Variants in ZC3H7A observed in about 807,000 individuals in gnomAD.
The protein encoded by ZC3H7A is zinc finger CCCH domain-containing protein 7A.
In ZC3H7A, 44 loss-of-function variants were observed where a neutral mutation model predicts 125.5. The observed-to-expected ratio is 0.35, with a 90% CI of 0.28 to 0.45. The LOEUF is 0.45. Among genes scored for constraint, ZC3H7A ranks in the 20% least tolerant of loss-of-function variants. The pLI is 1.00. For synonymous variants in ZC3H7A, 399 were observed against 391.2 expected, an observed-to-expected ratio of 1.02 and a Z score of -0.23; for missense variants, 977 against 1,170.7, an observed-to-expected ratio of 0.83 and a Z score of 2.41.
intron 21 of ZC3H7A, among the ~76,000 whole-genome samples, chr16:11,754,117 C>G (rs2052596185): frequency 6.6e-6 from 1 of 151,104 alleles, no homozygotes; most frequent in African/African-American, 2.4e-5. Flanking sequence ...ATGGCAAAAT[C>G]CCCATCTCTA....
Position 11,751,174 on chromosome 16 carries a change from A to T in ZC3H7A, c.*143T>A. The T allele has an allele frequency of 1.2e-6, 1 of 828,516 alleles. No individual in the cohort carries two copies. Among genetic ancestry groups the T allele is most frequent in the Non-Finnish European group, 1.8e-6 (1 of 556,012 alleles). 51.3% of individuals were successfully genotyped at this position (828,516 alleles called of 1,614,324 possible). A position where few individuals can be genotyped will look rare whatever the true frequency, so the allele number is the denominator to read the frequency against. The stretch of plus-strand genomic sequence containing the variant: ...GGCCTGTGAAACAGCCCATTTTCCT[A>T]CCTACTGTGGGTTGCTGCTCAGGAG... On this transcript the variant is annotated 3_prime_UTR_variant, in exon 23 of 23. Transcript: ENST00000355758.
intron 22 of ZC3H7A, 43 bp downstream of exon 22, chr16:11,752,626 G>A (rs376489315): frequency 1.3e-6 from 2 of 1,579,866 alleles, no homozygotes; most frequent in African/African-American, 1.4e-5. Flanking sequence ...GAAAATTTGA[G>A]GTCAGCAATT....
In ZC3H7A at chr16:11,758,450, A is replaced by C. The variant is rs2052689488; in HGVS notation, c.2409T>G (p.Thr803=). The C allele has an allele frequency of 6.2e-7, 1 of 1,613,308 alleles. No homozygotes were observed. The highest frequency in any genetic ancestry group is 1.7e-5 in the Admixed American group (1 of 59,986). Residue 803 remains threonine (T), a synonymous_variant, in exon 20 of 23, where the codon ACT becomes ACG. Coordinates refer to ENST00000355758, the MANE Select transcript of ZC3H7A (RefSeq NM_014153.4). ...ACTTACTCCCATTCTCCTTCATGTA[A>C]GTCCAAACTTCTCTTTCCTCAGGAC... ...AHSPEEREVW[T]YMKENGIQDM...
intron 19 of ZC3H7A, among the ~76,000 whole-genome samples, chr16:11,760,122 G>GAAAAAAAAAAAAAGA (rs2052722953): frequency 2.4e-5 from 2 of 82,532 alleles, no homozygotes; most frequent in African/African-American, 5.4e-5. Context: ...AAGAAAAAAT[G>GAAAAAAAAAAAAAGA]AAAAAAAAAA....
chr16:11,783,410 A>G (rs530165166), intron 1 of ZC3H7A, among the ~76,000 whole-genome samples: 6 of 152,190 alleles, frequency 3.9e-5, no homozygotes, highest in Non-Finnish European at 8.8e-5. Context: ...GAGATCTGAG[A>G]TAAAACATCA....
At chr16:11,757,295 T>C (rs1282360149) in intron 20 of ZC3H7A, among the ~76,000 whole-genome samples, 4 of 151,854 alleles carry the variant, frequency 2.6e-5, no homozygotes, top group African/African-American at 9.7e-5. Context: ...CCATCCTGGC[T>C]AACACGGTGA....
Position 11,782,361 on chromosome 16 carries a change from C to G in ZC3H7A, c.-7G>C. On this transcript the variant is annotated 5_prime_UTR_variant, in exon 2 of 23. Transcript: ENST00000355758. ...CCTCGGACACATTGGACATGTTATC[C>G]CACACATCCACTTTCTAAATGAGCA... 2 of 1,614,044 alleles carry G rather than the reference C, an allele frequency of 1.2e-6. No individual in the cohort carries two copies. The highest frequency in any genetic ancestry group is 1.3e-5 in the African/African-American group (1 of 75,028).
At chr16:11,778,256 G>C (rs906768772) in intron 4 of ZC3H7A, among the ~76,000 whole-genome samples, 1 of 151,918 alleles carries the variant, frequency 6.6e-6, no homozygotes, top group African/African-American at 2.4e-5. Flanking sequence ...GGGCAACACA[G>C]TGAAACCCCA....
intron 9 of ZC3H7A, among the ~76,000 whole-genome samples, chr16:11,772,194 C>CAA (rs370155246): frequency 0.014 from 1,707 of 122,570 alleles, 26 homozygotes; most frequent in South Asian, 0.051. Context: ...GACTCTGTCT[C>CAA]AAAAAAAAAA....
chr16:11,751,236 C>G lies in ZC3H7A; in HGVS notation c.*81G>C, dbSNP rs1054891664. ...GCCAATACAAGCAGGAAATCTGCAGCTCCTCTGCTATGTGCCTCAGAACAC... is the reference window on the plus strand; with the variant it reads ...GCCAATACAAGCAGGAAATCTGCAGGTCCTCTGCTATGTGCCTCAGAACAC... On this transcript the variant is annotated 3_prime_UTR_variant, in exon 23 of 23. Coordinates refer to ENST00000355758, the MANE Select transcript of ZC3H7A (RefSeq NM_014153.4). 7.2e-7 allele frequency: 1 copy of G among 1,387,644 alleles called. No homozygotes were observed. Among genetic ancestry groups the G allele is most frequent in the African/African-American group, 1.5e-5 (1 of 68,652 alleles). 86.0% of individuals were successfully genotyped at this position (1,387,644 alleles called of 1,614,324 possible).
intron 13 of ZC3H7A, among the ~76,000 whole-genome samples, chr16:11,766,978 AAC>A (rs1221824202): frequency 4.6e-5 from 7 of 152,294 alleles, no homozygotes; most frequent in Non-Finnish European, 8.8e-5. Flanking sequence ...CATTTTTTAT[AAC>A]AGTCAATACT....
Position 11,765,474 on chromosome 16 carries a change from T to C in ZC3H7A, c.1719+15A>G, listed in dbSNP as rs2052839303. On this transcript the variant is annotated intron_variant, in intron 14 of 22. Transcript: ENST00000355758. The surrounding 1 kb of genome is among the most constrained non-coding windows in gnomAD (Gnocchi z 4.8). ...ATTCAACTTTACAGTGGAAAATAAG[T>C]TTTGGAGAACACACCTCACAAAGGA... 1 of 1,599,934 alleles carries C rather than the reference T, an allele frequency of 6.3e-7. No individual in the cohort carries two copies. Among genetic ancestry groups the C allele is most frequent in the Non-Finnish European group, 8.5e-7 (1 of 1,171,586 alleles).
Position 11,769,041 on chromosome 16 carries a change from G to C in ZC3H7A, c.1163C>G (p.Ser388Cys), listed in dbSNP as rs1596387588. The C allele has an allele frequency of 1.2e-6, 2 of 1,607,574 alleles. No individual in the cohort carries two copies. The highest frequency in any genetic ancestry group is 1.7e-6 in the Non-Finnish European group (2 of 1,177,774). ...EGTPLNNSNS[S>C]LLLMNGPGSL... ...GGAAGTGGCACTTACAAGTAAAAGG[G>C]AAGAATTACTGTTGTTAAGCGGTGT... The change falls in exon 11 of 23, where the codon TCC becomes TGC. Residue 388 changes from serine (S) to cysteine (C), a missense_variant. Physicochemically the swap from Ser to Cys is moderately radical, Grantham distance 112. Around this residue, in one of 3 missense-constraint regions of ZC3H7A, gnomAD observed 342 missense variants for 311.3 expected, o/e 1.10. Transcript: ENST00000355758.
chr16:11,776,340 G>A lies in ZC3H7A; in HGVS notation c.565C>T (p.Pro189Ser). 1 of 1,608,612 alleles carries A rather than the reference G, an allele frequency of 6.2e-7. No individual in the cohort carries two copies. Residue 189 changes from proline to serine, a missense_variant, in exon 7 of 23, where the codon CCT becomes TCT. Physicochemically the swap from Pro to Ser is moderately conservative, Grantham distance 74. Around this residue, in one of 3 missense-constraint regions of ZC3H7A, gnomAD observed 199 missense variants for 256.1 expected, o/e 0.78. Coordinates refer to ENST00000355758, the MANE Select transcript of ZC3H7A (RefSeq NM_014153.4). The part of the protein sequence containing the change: ...VRAELSLKSV[P>S]GDGATKALNH... ...TTTACCTTGGTAGCCCCATCCCCAG[G>A]AACTGATTTTAATGAGAGCTGAAAT...
Position 11,757,762 on chromosome 16 carries a change from C to T in ZC3H7A, c.2428+669G>A, listed in dbSNP as rs145722563. Reference sequence around the variant, plus strand: ...CCAGCAAGACAGCTAGAGGGAATCCCGTCCACACACCACTGACGATCTATG... The same window carrying T: ...CCAGCAAGACAGCTAGAGGGAATCCTGTCCACACACCACTGACGATCTATG... On this transcript the variant is annotated intron_variant, in intron 20 of 22. Transcript: ENST00000355758. Among the ~76,000 whole-genome samples, 254 of 152,280 alleles carry T rather than the reference C, an allele frequency of 1.7e-3. 1 individual carries two copies. Among genetic ancestry groups the T allele is most frequent in the South Asian group, 4.1e-3 (20 of 4,826 alleles).
intron 1 of ZC3H7A, among the ~76,000 whole-genome samples, chr16:11,788,632 G>C (rs990287452): frequency 2.6e-4 from 22 of 85,342 alleles, no homozygotes; most frequent in Non-Finnish European, 1.7e-4. Flanking sequence ...TTTTTTTTTT[G>C]AGACGCAGTC....
chr16:11,796,768 G>A (rs527371480), intron 1 of ZC3H7A: 1 of 152,152 alleles, frequency 6.6e-6, no homozygotes, highest in Non-Finnish European at 1.5e-5. Flanking sequence ...CGCTGAATCG[G>A]GATCCCCGCG....
intron 8 of ZC3H7A, 50 bp from the exon 9 acceptor site, chr16:11,774,569 A>G (rs916184542): frequency 6.8e-7 from 1 of 1,467,594 alleles, no homozygotes; most frequent in Non-Finnish European, 9.1e-7. Flanking sequence ...TACTTACATA[A>G]TAATACCATT....
At chr16:11,777,590 C>T (rs989413038) in intron 4 of ZC3H7A, among the ~76,000 whole-genome samples, 5 of 151,914 alleles carry the variant, frequency 3.3e-5, no homozygotes, top group Admixed American at 2.0e-4. Flanking sequence ...GGCGTGGTGG[C>T]GGGTGCCTAT....
Sources: gnomAD v4.1 joint callset for allele counts (sites outside exome capture counted in the v4.1 genomes callset) on GRCh38, gnomAD v4.1.1 for gene constraint, gnomAD v4.1.1 regional missense constraint, Gnocchi (gnomAD v3.1) non-coding constraint, MANE v1.5 for transcripts, NCBI Gene and HGNC (gene_info 2026-07-23, HGNC 2026-07-21) for gene names.